ATXN7L1: variants seen among roughly 807,000 people sequenced by gnomAD.
ATXN7L1 encodes ataxin 7 like 1.
ATXN7L1 carries 15 observed loss-of-function variants against 70.8 expected under a neutral mutation model. The ratio of observed to expected loss-of-function variants is 0.21; its 90% CI spans 0.14 to 0.33. The LOEUF is 0.33. Ranked by LOEUF, ATXN7L1 falls within the 10% of genes least tolerant of loss-of-function variation. The probability of loss-of-function intolerance (pLI) is 1.00; values close to 1 mark genes in which losing one functional copy is unlikely to be tolerated. For synonymous variants in ATXN7L1, 440 were observed against 445.1 expected (o/e 0.99, Z 0.14); for missense variants, 975 against 1,097.1 (o/e 0.89, Z 1.57).
chr7:105,627,443 C>G (rs956423208), intron 7 of ATXN7L1, among the ~76,000 whole-genome samples: 4 of 151,906 alleles, frequency 2.6e-5, no homozygotes, highest in Middle Eastern at 3.5e-3. Flanking sequence ...CTTATGTTGC[C>G]CAGACTGGTC....
At chr7:105,824,161 T>A (rs1433297172) in intron 2 of ATXN7L1, among the ~76,000 whole-genome samples, 1 of 152,176 alleles carries the variant, frequency 6.6e-6, no homozygotes, top group Non-Finnish European at 1.5e-5. Flanking sequence ...CAGAGAGGAA[T>A]TCTTCTAAGA....
At chr7:105,862,889 C>G (rs1212144688) in intron 2 of ATXN7L1, among the ~76,000 whole-genome samples, 3 of 152,162 alleles carry the variant, frequency 2.0e-5, no homozygotes, top group Non-Finnish European at 4.4e-5. Context: ...CCCAGCCACT[C>G]CAATCCAAAG....
At chr7:105,639,119 C>T (rs904391151) in intron 6 of ATXN7L1, among the ~76,000 whole-genome samples, 1 of 152,136 alleles carries the variant, frequency 6.6e-6, no homozygotes, top group African/African-American at 2.4e-5. Flanking sequence ...TATCATCCTC[C>T]CCTCCAGGGC....
chr7:105,614,597 G>C lies in ATXN7L1; in HGVS notation c.1737C>G (p.Ser579=). The part of the protein sequence containing the change: ...VTSPDPSALM[S]HTTAFPHVAA... ...CCACATGAGGGAAAGCTGTGGTGTG[G>C]GACATGAGGGCGCTCGGGTCCGGCG... The change falls in exon 10 of 12, where the codon TCC becomes TCG. Residue 579 remains serine (S), a synonymous_variant. Coordinates refer to ENST00000419735, the MANE Select transcript of ATXN7L1 (RefSeq NM_020725.2). This position sits in a 1 kb window ranked among gnomAD's most constrained non-coding sequence, Gnocchi z 4.3. 6.4e-7 allele frequency: 1 copy of C among 1,551,878 alleles called. No individual in the cohort carries two copies. Among genetic ancestry groups the C allele is most frequent in the Non-Finnish European group, 8.7e-7 (1 of 1,147,000 alleles).
rs1186941502 is a variant in ATXN7L1, at chr7:105,759,451, T to TGA, written c.355+29152_355+29153insTC. Among the ~76,000 whole-genome samples, 194 of 61,464 alleles carry TGA rather than the reference T, an allele frequency of 3.2e-3. 1 individual carries two copies. The highest frequency in any genetic ancestry group is 0.016 in the African/African-American group (174 of 11,112). 40.3% of individuals were successfully genotyped at this position (61,464 alleles called of 152,430 possible). On this transcript the variant is annotated intron_variant, in intron 3 of 11. Coordinates refer to ENST00000419735, the MANE Select transcript of ATXN7L1 (RefSeq NM_020725.2). ...GAAGACTGGCAGCTTGGATAGTGAG[T>TGA]GTGTGTGTGTGTGTGTGTGTGTGTG...
chr7:105,816,299 G>T (rs1165788101), intron 2 of ATXN7L1, among the ~76,000 whole-genome samples: 1 of 152,166 alleles, frequency 6.6e-6, no homozygotes, highest in Non-Finnish European at 1.5e-5. Context: ...TCTGAGAAGG[G>T]CACTAGCTGA....
intron 7 of ATXN7L1, among the ~76,000 whole-genome samples, chr7:105,624,474 A>AC (rs1257157602): frequency 2.6e-5 from 4 of 151,838 alleles, no homozygotes; most frequent in African/African-American, 9.7e-5. Context: ...ACATGGTGAA[A>AC]CCCCGTCTCT....
intron 3 of ATXN7L1, among the ~76,000 whole-genome samples, chr7:105,718,824 C>T (rs1439971092): frequency 6.6e-6 from 1 of 152,160 alleles, no homozygotes; most frequent in Non-Finnish European, 1.5e-5. Flanking sequence ...ACAGGAAGTT[C>T]AGAAAAAAGC....
chr7:105,638,720 A>G, intron 6 of ATXN7L1, 111 bp from the exon 7 acceptor site: 1 of 1,365,274 alleles, frequency 7.3e-7, no homozygotes, highest in South Asian at 1.5e-5. Flanking sequence ...AGGTGCTTGA[A>G]AAGTCAACTT....
intron 3 of ATXN7L1, among the ~76,000 whole-genome samples, chr7:105,670,000 G>T (rs1803294421): frequency 6.6e-6 from 1 of 151,974 alleles, no homozygotes; most frequent in South Asian, 2.1e-4. Flanking sequence ...GTGAGCTGTA[G>T]CTAGGCTTTT....
At chr7:105,825,520 G>A (rs1445867623) in intron 2 of ATXN7L1, among the ~76,000 whole-genome samples, 4 of 151,562 alleles carry the variant, frequency 2.6e-5, no homozygotes, top group Admixed American at 1.3e-4. Context: ...TAAAAACCAT[G>A]AGGCAATAAT....
At chr7:105,730,864 G>A (rs1384388604) in intron 3 of ATXN7L1, among the ~76,000 whole-genome samples, 23 of 152,154 alleles carry the variant, frequency 1.5e-4, no homozygotes. Flanking sequence ...TACGGACTTC[G>A]GTTAATAATA....
chr7:105,608,521 C>G (rs777389623), intron 11 of ATXN7L1, among the ~76,000 whole-genome samples: 1 of 152,142 alleles, frequency 6.6e-6, no homozygotes, highest in African/African-American at 2.4e-5. Flanking sequence ...GGGTTCCCAG[C>G]AGGTGTACCC....
rs76808872 is a variant in ATXN7L1 at position 105,839,231 on chromosome 7, G to GA, written c.250+36580dup. Among the ~76,000 whole-genome samples, 112 of 141,012 alleles carry GA rather than the reference G, an allele frequency of 7.9e-4. 1 individual carries two copies. The highest frequency in any genetic ancestry group is 3.6e-3 in the Middle Eastern group (1 of 278). 92.5% of individuals were successfully genotyped at this position (141,012 alleles called of 152,430 possible). A position where few individuals can be genotyped will look rare whatever the true frequency, so the allele number is the denominator to read the frequency against. On this transcript the variant is annotated intron_variant, in intron 2 of 11. Transcript: ENST00000419735. The stretch of plus-strand genomic sequence containing the variant: ...TTTTAGGAAGCTGTTGCTGCTGCAT[G>GA]AAAAAAAAAAAAGCTTGTGGATTTT...
chr7:105,845,215 A>C (rs1813830654), intron 2 of ATXN7L1, among the ~76,000 whole-genome samples: 2 of 150,880 alleles, frequency 1.3e-5, no homozygotes, highest in South Asian at 4.2e-4. Context: ...AAAAAAAAAA[A>C]AAAAAAAAAA....
intron 3 of ATXN7L1, among the ~76,000 whole-genome samples, chr7:105,674,265 C>T (rs1009199931): frequency 3.3e-5 from 5 of 152,196 alleles, no homozygotes; most frequent in African/African-American, 1.2e-4. Flanking sequence ...GTTCCCAAAT[C>T]CCTAGGCTCT....
intron 3 of ATXN7L1, chr7:105,678,031 AG>A: frequency 1.9e-5 from 19 of 985,044 alleles, no homozygotes; most frequent in Non-Finnish European, 2.3e-5. Flanking sequence ...AGCGGCAAAC[AG>A]GAAGTTGTCT....
intron 3 of ATXN7L1, among the ~76,000 whole-genome samples, chr7:105,783,915 C>T (rs1803894506): frequency 6.6e-6 from 1 of 152,092 alleles, no homozygotes; most frequent in Non-Finnish European, 1.5e-5. Context: ...TTTTGTGGGA[C>T]TGAGCCTTTA....
At chr7:105,728,856 C>G (rs928632072) in intron 3 of ATXN7L1, among the ~76,000 whole-genome samples, 1 of 152,152 alleles carries the variant, frequency 6.6e-6, no homozygotes, top group African/African-American at 2.4e-5. Flanking sequence ...CTTGAAAGAG[C>G]TTCCAGTGGC....
Sources: gnomAD v4.1 joint callset for allele counts (sites outside exome capture counted in the v4.1 genomes callset) on GRCh38, gnomAD v4.1.1 for gene constraint, Gnocchi (gnomAD v3.1) non-coding constraint, MANE v1.5 for transcripts, NCBI Gene and HGNC (gene_info 2026-07-23, HGNC 2026-07-21) for gene names.